The following PTPRM variants were observed in gnomAD, a reference collection of about 807,000 sequenced individuals.
The protein encoded by PTPRM is receptor-type tyrosine-protein phosphatase mu.
In PTPRM, 47 loss-of-function variants were observed where a neutral mutation model predicts 186.7. The ratio of observed to expected loss-of-function variants is 0.25; its 90% CI spans 0.20 to 0.32. PTPRM has a LOEUF of 0.32. Ranked by LOEUF, PTPRM falls within the 10% of genes least tolerant of loss-of-function variation. PTPRM has a pLI of 1.00. For synonymous variants in PTPRM, 668 were observed against 674.9 expected (o/e 0.99, Z 0.16); for missense variants, 1,494 against 1,865.0 (o/e 0.80, Z 3.66).
chr18:7,902,666 T>G (rs2049758984), intron 3 of PTPRM, among the ~76,000 whole-genome samples: 2 of 152,360 alleles, frequency 1.3e-5, no homozygotes, highest in South Asian at 4.1e-4. Context: ...CTGTCTGCAT[T>G]GCTTAGATCT....
intron 2 of PTPRM, among the ~76,000 whole-genome samples, chr18:7,832,697 C>G (rs1033284787): frequency 2.0e-5 from 3 of 152,150 alleles, no homozygotes; most frequent in Non-Finnish European, 4.4e-5. Flanking sequence ...TTTGCCCAGA[C>G]CAATGTCCTG....
chr18:7,657,645 G>C (rs894883034), intron 1 of PTPRM, among the ~76,000 whole-genome samples: 3 of 152,186 alleles, frequency 2.0e-5, no homozygotes, highest in Admixed American at 2.0e-4. Flanking sequence ...AGCCATGAAA[G>C]GGGCATACGA....
At chr18:7,669,667 C>T (rs1173062621) in intron 1 of PTPRM, among the ~76,000 whole-genome samples, 2 of 152,120 alleles carry the variant, frequency 1.3e-5, no homozygotes, top group Non-Finnish European at 2.9e-5. Context: ...TTTGCCGTTC[C>T]CTCCCCATGC....
intron 14 of PTPRM, among the ~76,000 whole-genome samples, chr18:8,242,210 G>A (rs1601432087): frequency 1.3e-5 from 2 of 152,204 alleles, no homozygotes; most frequent in Non-Finnish European, 2.9e-5. Flanking sequence ...GCAATTACTG[G>A]CATAAATCAG....
chr18:8,009,649 A>G (rs1376815252), intron 7 of PTPRM, among the ~76,000 whole-genome samples: 1 of 152,138 alleles, frequency 6.6e-6, no homozygotes, highest in Non-Finnish European at 1.5e-5. Flanking sequence ...CGGAGGTCGC[A>G]GTGAGCCAAG....
intron 1 of PTPRM, among the ~76,000 whole-genome samples, chr18:7,648,155 T>C (rs779524126): frequency 6.6e-6 from 1 of 152,186 alleles, no homozygotes; most frequent in East Asian, 1.9e-4. Flanking sequence ...TGATCTGTGA[T>C]TAGTGATCAT....
chr18:7,978,175 T>G (rs796943190), intron 7 of PTPRM, among the ~76,000 whole-genome samples: 84 of 152,208 alleles, frequency 5.5e-4, no homozygotes, highest in African/African-American at 2.0e-3. Context: ...TAGGGTTGAT[T>G]TAAGGATGGG....
intron 14 of PTPRM, among the ~76,000 whole-genome samples, chr18:8,232,540 T>C (rs1159745632): frequency 6.6e-6 from 1 of 152,230 alleles, no homozygotes; most frequent in Non-Finnish European, 1.5e-5. Context: ...TTTTCTTTTT[T>C]TTGAGATGGA....
chr18:7,720,667 A>G (rs2040429621), intron 1 of PTPRM, among the ~76,000 whole-genome samples: 1 of 152,108 alleles, frequency 6.6e-6, no homozygotes, highest in Non-Finnish European at 1.5e-5. Flanking sequence ...GGAAACTATC[A>G]TTCTACTTTG....
chr18:8,289,525 CATATATATACACATATATATATAT>C (rs1411683378), intron 19 of PTPRM, among the ~76,000 whole-genome samples: 5 of 79,804 alleles, frequency 6.3e-5, no homozygotes, highest in Admixed American at 1.4e-4. Context: ...TATATATATA[CATATATATACACATATATATATAT>C]ACATATATAT....
chr18:8,295,023 C>G (rs1946876806), intron 19 of PTPRM, among the ~76,000 whole-genome samples: 1 of 152,216 alleles, frequency 6.6e-6, no homozygotes, highest in South Asian at 2.1e-4. Flanking sequence ...AACTATGTAA[C>G]TAATTACTGG....
intron 22 of PTPRM, among the ~76,000 whole-genome samples, chr18:8,328,613 G>A (rs1260490882): frequency 2.0e-5 from 3 of 152,144 alleles, no homozygotes; most frequent in African/African-American, 7.2e-5. Context: ...AGTATTCTCT[G>A]GTTTCCAAAT....
At chr18:8,001,056 G>A (rs1408723754) in intron 7 of PTPRM, among the ~76,000 whole-genome samples, 1 of 152,162 alleles carries the variant, frequency 6.6e-6, no homozygotes, top group Non-Finnish European at 1.5e-5. Context: ...AACTGGAAAT[G>A]TCTGATTGGG....
At position 7,966,737 on chromosome 18, in the gene PTPRM, G is replaced by A. The variant is rs1335449724; in HGVS notation, c.1132+11323G>A. ...CGGGTCACTCCCACCCGAATACTGC[G>A]CTTTTCAGACCGGCTTAAAAAACGG... On this transcript the variant is annotated intron_variant, in intron 7 of 32. Coordinates refer to ENST00000580170, the MANE Select transcript of PTPRM (RefSeq NM_001105244.2). Among the ~76,000 whole-genome samples the A allele has an allele frequency of 4.9e-5, 7 of 144,158 alleles. No homozygotes were observed. The East Asian group carries it at 1.2e-3, about 25-fold the overall frequency. The allele number at this position is 144,158 out of a possible 152,430, so 94.6% of individuals were successfully genotyped here.
At chr18:7,876,848 T>C (rs2048269539) in intron 2 of PTPRM, among the ~76,000 whole-genome samples, 1 of 152,216 alleles carries the variant, frequency 6.6e-6, no homozygotes, top group South Asian at 2.1e-4. Flanking sequence ...CTTAGTATCA[T>C]GCTTAAGAGC....
At chr18:7,780,082 T>C (rs781022396) in intron 2 of PTPRM, among the ~76,000 whole-genome samples, 1 of 152,196 alleles carries the variant, frequency 6.6e-6, no homozygotes, top group Non-Finnish European at 1.5e-5. Context: ...ATAGCTTTCT[T>C]CTCTAAAAAA....
At chr18:8,263,170 A>G (rs1017797821) in intron 19 of PTPRM, among the ~76,000 whole-genome samples, 1 of 151,964 alleles carries the variant, frequency 6.6e-6, no homozygotes, top group Non-Finnish European at 1.5e-5. Flanking sequence ...ATGCAGTGGT[A>G]CAGTCTGGGT....
intron 7 of PTPRM, among the ~76,000 whole-genome samples, chr18:8,004,785 C>T (rs1194927706): frequency 6.6e-6 from 1 of 152,114 alleles, no homozygotes; most frequent in Non-Finnish European, 1.5e-5. Context: ...CCCTGTGGCT[C>T]GTGCCACAAG....
intron 2 of PTPRM, among the ~76,000 whole-genome samples, chr18:7,793,577 G>T (rs888374202): frequency 2.0e-5 from 3 of 152,112 alleles, no homozygotes; most frequent in African/African-American, 7.2e-5. Context: ...TTGAAATGTG[G>T]TTATTTGGAA....
Sources: allele counts gnomAD v4.1 joint callset (sites outside exome capture counted in the v4.1 genomes callset), GRCh38; gene constraint gnomAD v4.1.1; transcripts MANE v1.5; gene names NCBI Gene and HGNC (gene_info 2026-07-23, HGNC 2026-07-21).